The following POLA1 variants were observed in gnomAD, a reference collection of about 807,000 sequenced individuals.
POLA1 encodes DNA polymerase alpha catalytic subunit.
POLA1 carries 15 observed loss-of-function variants against 124.0 expected under a neutral mutation model. That is an observed-to-expected ratio of 0.12 (90% CI 0.08 to 0.19). The LOEUF is 0.19. Among genes scored for constraint, POLA1 ranks in the 10% least tolerant of loss-of-function variants. The probability of loss-of-function intolerance (pLI) is 1.00; values close to 1 mark genes in which losing one functional copy is unlikely to be tolerated. For synonymous variants in POLA1, 408 were observed against 389.4 expected (o/e 1.05, Z -0.56); for missense variants, 886 against 1,103.4 (o/e 0.80, Z 2.79).
chrX:24,784,638 T>G (rs751563806), intron 26 of POLA1, among the ~76,000 whole-genome samples: 1 of 110,385 alleles, frequency 9.1e-6, no homozygotes, highest in South Asian at 4.0e-4. Context: ...GAGCCAAGAT[T>G]GCACCACCAC....
chrX:24,752,828 A>T (rs1046668403), intron 26 of POLA1, among the ~76,000 whole-genome samples: 2 of 111,403 alleles, frequency 1.8e-5, no homozygotes, highest in Non-Finnish European at 3.8e-5. Flanking sequence ...ACAGTAATTT[A>T]TCATAGCAAG....
chrX:24,906,442 G>A lies in POLA1; in HGVS notation c.4164+18320G>A, dbSNP rs142373848. On this transcript the variant is annotated intron_variant, in intron 35 of 36. Transcript: ENST00000379068. ...TATCGTATGTTCTCACTTATAAGTG[G>A]GTATGTTCCCACTTATAAGGGGGAG... Among the ~76,000 whole-genome samples the A allele has an allele frequency of 2.3e-3, 254 of 109,376 alleles. 2 individuals carry two copies. Among genetic ancestry groups the A allele is most frequent in the African/African-American group, 8.2e-3 (247 of 29,950 alleles). The allele number at this position is 109,376 out of a possible 115,157, so 95.0% of individuals were successfully genotyped here. A position where few individuals can be genotyped will look rare whatever the true frequency, so the allele number is the denominator to read the frequency against.
intron 26 of POLA1, among the ~76,000 whole-genome samples, chrX:24,796,130 G>A (rs2045601390): frequency 9.0e-6 from 1 of 110,851 alleles, no homozygotes; most frequent in Non-Finnish European, 1.9e-5. Context: ...TTATGTAGGT[G>A]TAGAGGGCTC....
intron 15 of POLA1, among the ~76,000 whole-genome samples, chrX:24,731,825 C>G (rs1216919887): frequency 8.9e-6 from 1 of 111,782 alleles, no homozygotes. Context: ...TCAAAATAAT[C>G]TAGAGAGAGG....
chrX:24,847,562 A>G (rs961877656), intron 34 of POLA1, among the ~76,000 whole-genome samples: 3 of 112,145 alleles, frequency 2.7e-5, no homozygotes, highest in Non-Finnish European at 5.6e-5. Context: ...ACACATGAAC[A>G]GCTTGTTGGT....
At chrX:24,757,602 G>T (rs909158960) in intron 26 of POLA1, among the ~76,000 whole-genome samples, 19 of 108,784 alleles carry the variant, frequency 1.7e-4, no homozygotes, top group African/African-American at 6.5e-4. Context: ...ACCATGCCCG[G>T]CTAATGTTTT....
At chrX:24,728,646 C>G (rs964906560) in intron 15 of POLA1, among the ~76,000 whole-genome samples, 1 of 111,783 alleles carries the variant, frequency 8.9e-6, no homozygotes, top group Admixed American at 9.5e-5. Flanking sequence ...CCCGTTTTCT[C>G]TATTTATTTG....
At chrX:24,737,360 G>T (rs1191404048) in intron 18 of POLA1, among the ~76,000 whole-genome samples, 1 of 111,248 alleles carries the variant, frequency 9.0e-6, no homozygotes, top group Non-Finnish European at 1.9e-5. Context: ...CAAATTAAAA[G>T]ATATCATATG....
intron 35 of POLA1, among the ~76,000 whole-genome samples, chrX:24,928,554 C>G (rs1050368400): frequency 1.8e-5 from 2 of 112,121 alleles, no homozygotes; most frequent in African/African-American, 6.5e-5. Flanking sequence ...CCAATAATGG[C>G]AATTAACATA....
At chrX:24,738,397 G>A (rs1931434125) in intron 19 of POLA1, among the ~76,000 whole-genome samples, 1 of 111,214 alleles carries the variant, frequency 9.0e-6, no homozygotes, top group Non-Finnish European at 1.9e-5. Flanking sequence ...TATCATTTAG[G>A]AAGAAAATGG....
intron 26 of POLA1, among the ~76,000 whole-genome samples, chrX:24,784,797 T>A (rs2045333255): frequency 8.9e-6 from 1 of 112,460 alleles, no homozygotes; most frequent in Non-Finnish European, 1.9e-5. Context: ...ACTAATGTAA[T>A]AATAAAAACG....
chrX:24,969,944 GT>G (rs2048280483), intron 36 of POLA1, among the ~76,000 whole-genome samples: 1 of 112,166 alleles, frequency 8.9e-6, no homozygotes, highest in South Asian at 3.7e-4. Flanking sequence ...TGCTTCGTTA[GT>G]TTGCTGAAGA....
intron 36 of POLA1, among the ~76,000 whole-genome samples, chrX:24,949,774 G>C (rs772552813): frequency 1.7e-3 from 160 of 93,469 alleles, no homozygotes; most frequent in African/African-American, 6.2e-3. Flanking sequence ...TCGCTCTTTT[G>C]CCTAAGCTGG....
chrX:24,849,414 A>G (rs1375365282), intron 34 of POLA1, among the ~76,000 whole-genome samples: 1 of 112,613 alleles, frequency 8.9e-6, no homozygotes, highest in Non-Finnish European at 1.9e-5. Context: ...ACATAAATGA[A>G]TGTCAGGGAT....
chrX:24,710,058 G>C (rs1929281254), intron 4 of POLA1, among the ~76,000 whole-genome samples: 1 of 105,189 alleles, frequency 9.5e-6, no homozygotes, highest in South Asian at 4.3e-4. Flanking sequence ...TTGCCCTCGG[G>C]CCCCGTGGGG....
At chrX:24,700,810 A>G (rs1381805883) in intron 2 of POLA1, among the ~76,000 whole-genome samples, 2 of 111,946 alleles carry the variant, frequency 1.8e-5, no homozygotes, top group Non-Finnish European at 1.9e-5. Context: ...CACTGAGCCC[A>G]GGACTAAAAC....
intron 35 of POLA1, among the ~76,000 whole-genome samples, chrX:24,925,128 C>A (rs1306092744): frequency 8.9e-6 from 1 of 112,003 alleles, no homozygotes; most frequent in Non-Finnish European, 1.9e-5. Context: ...GTTTAATACA[C>A]CTTCATTATA....
At chrX:24,788,777 T>G (rs139897698) in intron 26 of POLA1, 14 of 1,200,087 alleles carry the variant, frequency 1.2e-5, no homozygotes, top group Non-Finnish European at 1.6e-5. Context: ...AATGTCATCA[T>G]CATCTTTACT....
At position 24,954,580 on chromosome X, in the gene POLA1, G is replaced by T. The variant is rs1030711402; in HGVS notation, c.4261+24031G>T. ...GACTGTACCTTGAGCAACTCCAAAG[G>T]TCATCTGTAATGGGTGCATAATTTG... On this transcript the variant is annotated intron_variant, in intron 36 of 36. Transcript: ENST00000379068. Among the ~76,000 whole-genome samples, 15 of 112,461 alleles carry T rather than the reference G, an allele frequency of 1.3e-4. No homozygotes were observed. The Admixed American group carries it at 1.4e-3, about 11-fold the overall frequency.
Sources: allele counts gnomAD v4.1 joint callset (sites outside exome capture counted in the v4.1 genomes callset), GRCh38; gene constraint gnomAD v4.1.1; transcripts MANE v1.5; gene names NCBI Gene and HGNC (gene_info 2026-07-23, HGNC 2026-07-21).